Variants in ZYG11B observed in about 807,000 individuals in gnomAD.
ZYG11B encodes the protein zyg-11 family member B, cell cycle regulator.
A neutral mutation model predicts 82.4 loss-of-function variants in ZYG11B; 36 were observed. That is an observed-to-expected ratio of 0.44 (90% confidence interval 0.33 to 0.58). The LOEUF (loss-of-function observed/expected upper bound fraction) is 0.58. Ranked by LOEUF, ZYG11B falls within the 20% of genes least tolerant of loss-of-function variation. ZYG11B has a pLI of 0.02. For missense variants in ZYG11B, 552 were observed against 895.6 expected, an observed-to-expected ratio of 0.62 and a Z score of 4.90; for synonymous variants, 303 against 312.8, an observed-to-expected ratio of 0.97 and a Z score of 0.33.
intron 1 of ZYG11B, among the ~76,000 whole-genome samples, chr1:52,742,054 A>G (rs1644435363): frequency 1.3e-5 from 2 of 152,212 alleles, no homozygotes; most frequent in African/African-American, 2.4e-5. Flanking sequence ...ATCTTTAGAA[A>G]AAAGTCACCC....
At chr1:52,760,594 C>CT (rs948721248) in intron 2 of ZYG11B, among the ~76,000 whole-genome samples, 1 of 151,968 alleles carries the variant, frequency 6.6e-6, no homozygotes, top group African/African-American at 2.4e-5. Context: ...TGGTAGCAGT[C>CT]TTTTTTGTGT....
At chr1:52,819,104 T>G (rs1156417403) in intron 13 of ZYG11B, among the ~76,000 whole-genome samples, 1 of 152,164 alleles carries the variant, frequency 6.6e-6, no homozygotes, top group Non-Finnish European at 1.5e-5. Context: ...TGATGAAAAC[T>G]CACTGCATAC....
intron 1 of ZYG11B, among the ~76,000 whole-genome samples, chr1:52,729,023 A>G (rs35005423): frequency 0.066 from 10,125 of 152,284 alleles, 505 homozygotes; most frequent in South Asian, 0.14. Context: ...GTAACAAAAT[A>G]CCATAAACTA....
In ZYG11B at chr1:52,750,184, G is replaced by A. The variant is rs143241045; in HGVS notation, c.31-6274G>A. On this transcript the variant is annotated intron_variant, in intron 1 of 13. Transcript: ENST00000294353. The stretch of plus-strand genomic sequence containing the variant: ...ACAATGTTGGCTCACTGCAACCTCC[G>A]CCTCCGGGGTTCAGGCGATTCTCCT... Among the ~76,000 whole-genome samples, 1,246 of 151,576 alleles carry A rather than the reference G, an allele frequency of 8.2e-3. 17 individuals are homozygous for A. The Middle Eastern group carries it at 0.13, about 16-fold the overall frequency.
intron 1 of ZYG11B, among the ~76,000 whole-genome samples, chr1:52,730,308 G>A (rs971216820): frequency 2.0e-5 from 3 of 152,102 alleles, no homozygotes; most frequent in African/African-American, 4.8e-5. Flanking sequence ...TGTATATAGA[G>A]TAATTTTATT....
chr1:52,758,889 G>A (rs147879365), intron 2 of ZYG11B, among the ~76,000 whole-genome samples: 113 of 152,152 alleles, frequency 7.4e-4, no homozygotes, highest in Middle Eastern at 3.4e-3. Context: ...GCCAGTGCTA[G>A]CATTTCTTTC....
At chr1:52,732,484 G>T (rs780712264) in intron 1 of ZYG11B, among the ~76,000 whole-genome samples, 2 of 152,150 alleles carry the variant, frequency 1.3e-5, no homozygotes, top group African/African-American at 2.4e-5. Context: ...ATTTGGCCGG[G>T]TGTGGTGGCT....
intron 8 of ZYG11B, among the ~76,000 whole-genome samples, chr1:52,797,003 A>ATATATAT (rs1558137360): frequency 3.8e-5 from 2 of 52,674 alleles, no homozygotes; most frequent in Admixed American, 3.6e-4. Flanking sequence ...ATATAAATAT[A>ATATATAT]TTATATATTT....
chr1:52,772,969 G>A (rs1322788549), intron 3 of ZYG11B, among the ~76,000 whole-genome samples: 3 of 151,952 alleles, frequency 2.0e-5, no homozygotes, highest in South Asian at 2.1e-4. Flanking sequence ...GAGCCACCGC[G>A]CCCAGCTACA....
intron 1 of ZYG11B, among the ~76,000 whole-genome samples, chr1:52,754,671 C>T (rs1242137422): frequency 2.0e-5 from 3 of 152,196 alleles, no homozygotes; most frequent in Admixed American, 6.6e-5. Context: ...CATTAGCCAC[C>T]GTGCCCTTTT....
intron 10 of ZYG11B, among the ~76,000 whole-genome samples, chr1:52,809,721 A>G (rs1645167761): frequency 6.6e-6 from 1 of 152,062 alleles, no homozygotes; most frequent in East Asian, 1.9e-4. Context: ...AATGGGTCTG[A>G]GACAGTATCT....
At chr1:52,808,575 A>C (rs1460985263) in intron 10 of ZYG11B, among the ~76,000 whole-genome samples, 2 of 152,114 alleles carry the variant, frequency 1.3e-5, no homozygotes, top group Non-Finnish European at 2.9e-5. Context: ...TGTATTGTCC[A>C]GGCTGGTCTC....
At chr1:52,767,856 C>G (rs187630621) in intron 2 of ZYG11B, among the ~76,000 whole-genome samples, 1 of 152,056 alleles carries the variant, frequency 6.6e-6, no homozygotes, top group Non-Finnish European at 1.5e-5. Flanking sequence ...ATGACAGCAC[C>G]CCAGCAGGGA....
chr1:52,792,022 G>C (rs775664344), intron 6 of ZYG11B, among the ~76,000 whole-genome samples: 1 of 152,142 alleles, frequency 6.6e-6, no homozygotes, highest in Non-Finnish European at 1.5e-5. Context: ...AGCAGCCATA[G>C]GTAATATGTA....
At chr1:52,727,429 G>A (rs1015406679) in intron 1 of ZYG11B, among the ~76,000 whole-genome samples, 2 of 152,074 alleles carry the variant, frequency 1.3e-5, no homozygotes, top group Non-Finnish European at 2.9e-5. Context: ...GTGAAGTGAG[G>A]GCCAGCATGC....
At chr1:52,820,059 G>A (rs190573305) in intron 13 of ZYG11B, among the ~76,000 whole-genome samples, 2 of 150,820 alleles carry the variant, frequency 1.3e-5, no homozygotes, top group East Asian at 4.1e-4. Flanking sequence ...GACTATAGGC[G>A]CCTGCCACCA....
chr1:52,780,360 C>A (rs756572066), intron 4 of ZYG11B, among the ~76,000 whole-genome samples: 6 of 151,836 alleles, frequency 4.0e-5, no homozygotes, highest in Non-Finnish European at 7.4e-5. Context: ...TTTAGAAATA[C>A]AATATTGCAC....
At position 52,822,521 on chromosome 1, in the gene ZYG11B, T is replaced by C. The variant is rs1345449081; in HGVS notation, c.*892T>C. On this transcript the variant is annotated 3_prime_UTR_variant, in exon 14 of 14. Transcript: ENST00000294353. ...AAACTGGCTATTCTTTTCCTCTATT[T>C]CAAAGTCATTTTTGTTCAGTGGAAT... is the stretch of plus-strand genomic sequence containing the variant. 6.6e-6 allele frequency: 1 copy of C among 152,224 alleles called. No individual in the cohort carries two copies. Among genetic ancestry groups the C allele is most frequent in the Non-Finnish European group, 1.5e-5 (1 of 68,034 alleles). The allele number at this position is 152,224 out of a possible 1,614,324, so 9.4% of individuals were successfully genotyped here. A position where few individuals can be genotyped will look rare whatever the true frequency, so the allele number is the denominator to read the frequency against.
intron 2 of ZYG11B, among the ~76,000 whole-genome samples, chr1:52,762,625 G>C (rs1323882542): frequency 6.6e-6 from 1 of 151,800 alleles, no homozygotes; most frequent in African/African-American, 2.4e-5. Context: ...TTGTCACCCA[G>C]GCTGGAGTGC....
Sources: allele counts gnomAD v4.1 joint callset (sites outside exome capture counted in the v4.1 genomes callset), GRCh38; gene constraint gnomAD v4.1.1; transcripts MANE v1.5; gene names NCBI Gene and HGNC (gene_info 2026-07-23, HGNC 2026-07-21).